SYT1: variants seen among roughly 807,000 people sequenced by gnomAD.
The protein encoded by SYT1 is synaptotagmin 1.
In SYT1, 8 loss-of-function variants were observed where a neutral mutation model predicts 44.8. That is an observed-to-expected ratio of 0.18 (90% CI 0.10 to 0.32). SYT1 has a LOEUF of 0.32. SYT1 is among the 10% of genes least tolerant of loss of function. The pLI, the probability that SYT1 is intolerant of heterozygous loss-of-function variation, is 1.00. For synonymous variants in SYT1, 154 were observed against 188.8 expected (o/e 0.82, Z 1.51); for missense variants, 286 against 509.3 (o/e 0.56, Z 4.22).
chr12:78,905,273 C>CG (rs1433237924), intron 1 of SYT1, among the ~76,000 whole-genome samples: 2 of 152,080 alleles, frequency 1.3e-5, no homozygotes, highest in Admixed American at 1.3e-4. Context: ...AGAAATCCCG[C>CG]GGGGGGCGGG....
At chr12:78,898,709 G>A (rs1404145946) in intron 1 of SYT1, among the ~76,000 whole-genome samples, 1 of 152,082 alleles carries the variant, frequency 6.6e-6, no homozygotes, top group Non-Finnish European at 1.5e-5. Flanking sequence ...CTGGGTTTTA[G>A]AGAACAGGAG....
intron 8 of SYT1, among the ~76,000 whole-genome samples, chr12:79,352,117 G>T (rs539601722): frequency 1.3e-5 from 2 of 149,402 alleles, no homozygotes; most frequent in Non-Finnish European, 3.0e-5. Flanking sequence ...CTCACACATT[G>T]AATGTATTAC....
intron 9 of SYT1, among the ~76,000 whole-genome samples, chr12:79,374,091 A>T (rs923453120): frequency 2.6e-5 from 4 of 152,194 alleles, no homozygotes; most frequent in Non-Finnish European, 1.5e-5. Context: ...TGGCGCTTCC[A>T]TGCCACCCTC....
chr12:79,286,948 A>G (rs1455078943), intron 5 of SYT1, among the ~76,000 whole-genome samples: 1 of 152,152 alleles, frequency 6.6e-6, no homozygotes, highest in African/African-American at 2.4e-5. Context: ...CAGTTTTATA[A>G]ATTCCTCTTA....
At chr12:79,398,828 G>C (rs1159795851) in intron 9 of SYT1, among the ~76,000 whole-genome samples, 2 of 152,190 alleles carry the variant, frequency 1.3e-5, no homozygotes, top group African/African-American at 2.4e-5. Context: ...TTGAGTAGGA[G>C]AGGGTACAGA....
chr12:79,310,077 A>G (rs1176069905), intron 8 of SYT1, among the ~76,000 whole-genome samples: 6 of 152,204 alleles, frequency 3.9e-5, no homozygotes, highest in Non-Finnish European at 7.3e-5. Flanking sequence ...TGTTTTAGAC[A>G]TGAAGTCCTT....
intron 2 of SYT1, among the ~76,000 whole-genome samples, chr12:79,043,765 C>G (rs1301026793): frequency 6.6e-6 from 1 of 152,126 alleles, no homozygotes; most frequent in Non-Finnish European, 1.5e-5. Context: ...CGGCTGGTGC[C>G]AGTTGTTCCT....
intron 3 of SYT1, among the ~76,000 whole-genome samples, chr12:79,117,702 T>TAAA (rs1210358288): frequency 1.3e-4 from 13 of 99,978 alleles, no homozygotes; most frequent in African/African-American, 5.1e-4. Context: ...TATATATATA[T>TAAA]ATATATATAT....
intron 1 of SYT1, among the ~76,000 whole-genome samples, chr12:78,906,724 G>A (rs748363480): frequency 3.9e-5 from 6 of 152,012 alleles, no homozygotes; most frequent in African/African-American, 7.2e-5. Flanking sequence ...TGTAAGAAAT[G>A]ACCAGAGTCC....
At chr12:79,376,688 T>C (rs1475507231) in intron 9 of SYT1, among the ~76,000 whole-genome samples, 2 of 152,278 alleles carry the variant, frequency 1.3e-5, no homozygotes, top group African/African-American at 4.8e-5. Flanking sequence ...ACATCTGACA[T>C]AAATGGGCAA....
chr12:79,423,293 G>A (rs565235301), intron 9 of SYT1, among the ~76,000 whole-genome samples: 1 of 152,250 alleles, frequency 6.6e-6, no homozygotes, highest in East Asian at 1.9e-4. Flanking sequence ...TACTAGAAAG[G>A]AGGGAGCTAG....
intron 4 of SYT1, among the ~76,000 whole-genome samples, chr12:79,251,483 C>T (rs1168546660): frequency 1.3e-5 from 2 of 152,138 alleles, no homozygotes; most frequent in South Asian, 2.1e-4. Context: ...AATCTAGATA[C>T]TCCCTCACCC....
At position 79,076,796 on chromosome 12, in the gene SYT1, C is replaced by G. The variant is rs1031572132; in HGVS notation, c.-18+29434C>G. Among the ~76,000 whole-genome samples, 5 of 152,222 alleles carry G rather than the reference C, an allele frequency of 3.3e-5. No individual in the cohort carries two copies. In the South Asian group the frequency reaches 1.0e-3, roughly 32 times the overall value. On this transcript the variant is annotated intron_variant, in intron 3 of 10. Coordinates refer to ENST00000261205, the MANE Select transcript of SYT1 (RefSeq NM_005639.3). ...CCATCCTGGCCAACGTGGTGAAACC[C>G]CCTGTCTACTAAAAATACAAAAATT...
chr12:79,428,404 A>G (rs1869572982), intron 9 of SYT1, among the ~76,000 whole-genome samples: 1 of 152,084 alleles, frequency 6.6e-6, no homozygotes. Flanking sequence ...TGAGACCCCA[A>G]AGTTTCCTAC....
intron 5 of SYT1, among the ~76,000 whole-genome samples, chr12:79,289,311 G>T (rs144481122): frequency 2.6e-5 from 4 of 152,146 alleles, no homozygotes; most frequent in African/African-American, 9.6e-5. Flanking sequence ...TTTTTCTTCC[G>T]AATTTTGTTC....
intron 3 of SYT1, among the ~76,000 whole-genome samples, chr12:79,209,319 C>G (rs990036758): frequency 6.6e-6 from 1 of 152,144 alleles, no homozygotes; most frequent in African/African-American, 2.4e-5. Context: ...AAAGCTTTGA[C>G]AGTGGTTCAT....
chr12:79,115,682 C>G (rs1389182900), intron 3 of SYT1, among the ~76,000 whole-genome samples: 1 of 152,180 alleles, frequency 6.6e-6, no homozygotes, highest in African/African-American at 2.4e-5. Flanking sequence ...GCTTTCACCA[C>G]TGATATTGTA....
intron 3 of SYT1, among the ~76,000 whole-genome samples, chr12:79,181,645 A>G (rs1262869485): frequency 6.6e-6 from 1 of 152,018 alleles, no homozygotes; most frequent in Non-Finnish European, 1.5e-5. Flanking sequence ...AGTGTGGCAG[A>G]CCAGGTCATG....
chr12:79,430,689 A>C (rs1432417573), intron 9 of SYT1, among the ~76,000 whole-genome samples: 2 of 152,220 alleles, frequency 1.3e-5, no homozygotes, highest in African/African-American at 4.8e-5. Flanking sequence ...TGGGAGGCTG[A>C]GGTGGGAGGA....
Sources: gnomAD v4.1 joint callset for allele counts (sites outside exome capture counted in the v4.1 genomes callset) on GRCh38, gnomAD v4.1.1 for gene constraint, MANE v1.5 for transcripts, NCBI Gene and HGNC (gene_info 2026-07-23, HGNC 2026-07-21) for gene names.